Variants in SGCD observed in about 807,000 individuals in gnomAD.
The protein encoded by SGCD is delta-sarcoglycan.
In SGCD, 18 loss-of-function variants were observed where a neutral mutation model predicts 36.6. That is an observed-to-expected ratio of 0.49 (90% CI 0.34 to 0.73). The LOEUF (loss-of-function observed/expected upper bound fraction) is 0.73. SGCD is among the 30% of genes least tolerant of loss of function. The probability of loss-of-function intolerance (pLI) is 0.01; values close to 1 mark genes in which losing one functional copy is unlikely to be tolerated. For synonymous variants in SGCD, 133 were observed against 130.6 expected (o/e 1.02, Z -0.12); for missense variants, 387 against 346.7 (o/e 1.12, Z -0.92).
At chr5:156,327,278 T>C (rs1198824913) in intron 1 of SGCD, 46 bp downstream of exon 1, 1 of 152,340 alleles carries the variant, frequency 6.6e-6, no homozygotes, top group Non-Finnish European at 1.5e-5. Context: ...CTGTTCACTT[T>C]CTAAGCTATC....
chr5:156,427,011 G>T (rs973445720), intron 3 of SGCD, among the ~76,000 whole-genome samples: 5 of 151,958 alleles, frequency 3.3e-5, no homozygotes, highest in African/African-American at 1.2e-4. Context: ...GCTTAGTATT[G>T]CTTTGGCTAT....
the SGCD span, among the ~76,000 whole-genome samples, chr5:155,831,191 G>T: frequency 1.3e-5 from 2 of 152,278 alleles, no homozygotes; most frequent in African/African-American, 4.8e-5. Flanking sequence ...TTAAGCTACT[G>T]AGATGAACTG....
chr5:156,578,620 A>G (rs1005682887), intron 4 of SGCD, among the ~76,000 whole-genome samples: 9 of 152,254 alleles, frequency 5.9e-5, no homozygotes, highest in African/African-American at 9.6e-5. Context: ...CAGAGATTCA[A>G]CTTCTTCCTG....
chr5:156,643,301 G>A (rs559913792), intron 6 of SGCD, among the ~76,000 whole-genome samples: 18 of 152,132 alleles, frequency 1.2e-4, no homozygotes, highest in African/African-American at 4.3e-4. Flanking sequence ...CAAAATGCTG[G>A]GATTACAGGT....
intron 1 of SGCD, among the ~76,000 whole-genome samples, chr5:155,872,476 A>C (rs573487929): frequency 1.2e-4 from 19 of 152,310 alleles, no homozygotes; most frequent in Non-Finnish European, 2.6e-4. Context: ...TACTTTTAAA[A>C]ATCCAATAAC....
At chr5:156,333,552 C>G (rs1323478516) in intron 2 of SGCD, among the ~76,000 whole-genome samples, 1 of 151,998 alleles carries the variant, frequency 6.6e-6, no homozygotes, top group Non-Finnish European at 1.5e-5. Context: ...GGTTTTCCAG[C>G]CAAACACTCT....
intron 3 of SGCD, among the ~76,000 whole-genome samples, chr5:156,445,427 TGAGGAAAAAATGG>T (rs1026865140): frequency 2.0e-5 from 3 of 151,944 alleles, no homozygotes; most frequent in Non-Finnish European, 4.4e-5. Flanking sequence ...AATTTGAGGA[TGAGGAAAAAATGG>T]GAAATACAAA....
At chr5:156,729,470 A>G (rs952537402) in intron 7 of SGCD, among the ~76,000 whole-genome samples, 1 of 152,234 alleles carries the variant, frequency 6.6e-6, no homozygotes, top group African/African-American at 2.4e-5. Flanking sequence ...GCTACGTGGA[A>G]TTGATGATGG....
Position 156,764,805 on chromosome 5 carries a change from G to C in SGCD, c.*5415G>C, listed in dbSNP as rs191378692. Reference sequence around the variant, plus strand: ...ATGCTATCAAATCCATCAATAAACAGTCTCAAACCTTCCAACAACAGTGCT... The same window carrying C: ...ATGCTATCAAATCCATCAATAAACACTCTCAAACCTTCCAACAACAGTGCT... On this transcript the variant is annotated 3_prime_UTR_variant, in exon 9 of 9. Transcript: ENST00000337851. 5.3e-5 allele frequency: 8 copies of C among 152,304 alleles called. No individual in the cohort carries two copies. Among genetic ancestry groups the C allele is most frequent in the Non-Finnish European group, 1.0e-4 (7 of 68,028 alleles). 9.4% of individuals were successfully genotyped at this position (152,304 alleles called of 1,614,324 possible). A position where few individuals can be genotyped will look rare whatever the true frequency, so the allele number is the denominator to read the frequency against.
intron 7 of SGCD, among the ~76,000 whole-genome samples, chr5:156,739,978 A>G (rs1428383421): frequency 6.6e-6 from 1 of 152,218 alleles, no homozygotes; most frequent in South Asian, 2.1e-4. Flanking sequence ...GATACTTGCC[A>G]TGGACTTTAA....
chr5:156,738,160 C>CT (rs1350106623), intron 7 of SGCD, among the ~76,000 whole-genome samples: 1 of 152,124 alleles, frequency 6.6e-6, no homozygotes, highest in Non-Finnish European at 1.5e-5. Flanking sequence ...AATCAGTACT[C>CT]TAATGAAAAT....
At chr5:156,341,847 G>T (rs1188137853) in intron 2 of SGCD, among the ~76,000 whole-genome samples, 1 of 152,168 alleles carries the variant, frequency 6.6e-6, no homozygotes, top group Non-Finnish European at 1.5e-5. Flanking sequence ...AAGTAACTGG[G>T]ATTACAGGCA....
intron 3 of SGCD, among the ~76,000 whole-genome samples, chr5:156,193,030 G>A (rs532547590): frequency 5.3e-5 from 8 of 151,734 alleles, no homozygotes; most frequent in East Asian, 3.9e-4. Context: ...TACATGTCAC[G>A]AAATATTATT....
chr5:156,331,125 A>G (rs993806948), intron 2 of SGCD, among the ~76,000 whole-genome samples: 1 of 152,212 alleles, frequency 6.6e-6, no homozygotes, highest in Non-Finnish European at 1.5e-5. Context: ...AAAGAGTTCA[A>G]ACAATCAGCA....
chr5:156,333,783 A>ATTTTTTTTTTTTTT lies in SGCD; in HGVS notation c.3+4228_3+4241dup, dbSNP rs70984404. ...GTGCTTTCTTTATGTTAGAAAAGTG[A>ATTTTTTTTTTTTTT]TTTTTTTTTTTTTTTTTTTTTTTTT... On this transcript the variant is annotated intron_variant, in intron 2 of 8. Coordinates refer to ENST00000337851, the MANE Select transcript of SGCD (RefSeq NM_000337.6). Among the ~76,000 whole-genome samples the ATTTTTTTTTTTTTT allele has an allele frequency of 1.3e-3, 26 of 19,964 alleles. 8 individuals carry two copies. The highest frequency in any genetic ancestry group is 2.0e-3 in the Non-Finnish European group (21 of 10,474). 13.1% of individuals were successfully genotyped at this position (19,964 alleles called of 152,430 possible).
At chr5:156,164,072 C>G (rs1199196638) in intron 3 of SGCD, among the ~76,000 whole-genome samples, 1 of 149,668 alleles carries the variant, frequency 6.7e-6, no homozygotes, top group South Asian at 2.1e-4. Context: ...CACGTCTGAA[C>G]TTTGCCTGCC....
At chr5:156,446,428 G>A (rs1753758517) in intron 3 of SGCD, among the ~76,000 whole-genome samples, 1 of 152,068 alleles carries the variant, frequency 6.6e-6, no homozygotes, top group Non-Finnish European at 1.5e-5. Context: ...TGGCTGAAGA[G>A]AACTGGACTA....
chr5:155,740,126 C>T, the SGCD span, among the ~76,000 whole-genome samples: 62 of 152,100 alleles, frequency 4.1e-4, no homozygotes, highest in Non-Finnish European at 1.3e-4. Context: ...AGAGACAGGG[C>T]CTTGCTCTGT....
intron 1 of SGCD, among the ~76,000 whole-genome samples, chr5:156,015,533 T>C (rs1264471837): frequency 6.6e-6 from 1 of 152,058 alleles, no homozygotes; most frequent in Non-Finnish European, 1.5e-5. Context: ...TGGCTCATTA[T>C]TACTGGGGTG....
Sources: gnomAD v4.1 joint callset for allele counts (sites outside exome capture counted in the v4.1 genomes callset) on GRCh38, gnomAD v4.1.1 for gene constraint, MANE v1.5 for transcripts, NCBI Gene and HGNC (gene_info 2026-07-23, HGNC 2026-07-21) for gene names.